Variants in ZPLD1 observed in about 807,000 individuals in gnomAD.
ZPLD1 encodes the protein zona pellucida-like domain-containing protein 1.
ZPLD1 carries 34 observed loss-of-function variants against 47.2 expected under a neutral mutation model. That is an observed-to-expected ratio of 0.72 (90% confidence interval 0.55 to 0.96). The LOEUF (loss-of-function observed/expected upper bound fraction) is 0.96. Ranked by LOEUF, ZPLD1 falls within the 40% of genes least tolerant of loss-of-function variation. The pLI is 0.00. For synonymous variants in ZPLD1, 176 were observed against 186.2 expected (o/e 0.95, Z 0.45); for missense variants, 512 against 505.8 (o/e 1.01, Z -0.12).
rs775507307 is a variant in ZPLD1 at position 102,438,609 on chromosome 3, ATC to A, written c.106+18_106+19del. 1 of 1,571,762 alleles carries A rather than the reference ATC, an allele frequency of 6.4e-7. No homozygotes were observed. The highest frequency in any genetic ancestry group is 1.1e-5 in the South Asian group (1 of 89,632). The stretch of plus-strand genomic sequence containing the variant: ...AGATTTCCTGGTAAGTGTAAGCCTA[ATC>A]TATTCTCTAGTTGTTTCTGGAAGAG... On this transcript the variant is annotated intron_variant, in intron 3 of 11. Coordinates refer to ENST00000466937, the MANE Select transcript of ZPLD1 (RefSeq NM_001329788.2).
chr3:102,413,146 CAA>C (rs1279488101), intron 7 of ZPLD1, among the ~76,000 whole-genome samples: 1 of 151,582 alleles, frequency 6.6e-6, no homozygotes, highest in Non-Finnish European at 1.5e-5. Context: ...TAGAAACAAA[CAA>C]ATAAATATTA....
intron 1 of ZPLD1, among the ~76,000 whole-genome samples, chr3:102,435,454 T>C (rs1417104714): frequency 6.6e-6 from 1 of 152,172 alleles, no homozygotes; most frequent in South Asian, 2.1e-4. Flanking sequence ...CTAGAGTACA[T>C]GGCTAGTCCA....
At chr3:102,434,990 C>T, upstream of ZPLD1, 1 of 1,060,816 alleles carries the variant, frequency 9.4e-7, no homozygotes. Context: ...CCTGAGCAGC[C>T]AGGATGATAT....
At chr3:102,473,196 C>A (rs542597779) in intron 10 of ZPLD1, among the ~76,000 whole-genome samples, 1 of 152,048 alleles carries the variant, frequency 6.6e-6, no homozygotes, top group Non-Finnish European at 1.5e-5. Flanking sequence ...TGGGTGGGGA[C>A]GCAAACCGTA....
intron 8 of ZPLD1, among the ~76,000 whole-genome samples, chr3:102,467,370 G>C (rs575754616): frequency 6.6e-6 from 1 of 152,088 alleles, no homozygotes; most frequent in African/African-American, 2.4e-5. Context: ...AATACAAAAA[G>C]ATAAGCCGGG....
intron 8 of ZPLD1, among the ~76,000 whole-genome samples, chr3:102,420,654 A>T (rs1023365832): frequency 6.6e-6 from 1 of 151,812 alleles, no homozygotes; most frequent in African/African-American, 2.4e-5. Flanking sequence ...TAGCACGTGG[A>T]CCATACAAAA....
At chr3:102,404,267 AAG>A (rs1381791909) in intron 7 of ZPLD1, among the ~76,000 whole-genome samples, 4 of 152,016 alleles carry the variant, frequency 2.6e-5, no homozygotes, top group African/African-American at 9.7e-5. Context: ...AGAATGCAAT[AAG>A]AGGATATACA....
At position 102,476,867 on chromosome 3, in the gene ZPLD1, T is replaced by C. The variant is rs964267523; in HGVS notation, c.1043-145T>C. The C allele has an allele frequency of 6.1e-5, 51 of 841,490 alleles. No individual in the cohort carries two copies. The African/African-American group carries it at 8.1e-4, about 13-fold the overall frequency. 52.1% of individuals were successfully genotyped at this position (841,490 alleles called of 1,614,324 possible). A position where few individuals can be genotyped will look rare whatever the true frequency, so the allele number is the denominator to read the frequency against. On this transcript the variant is annotated intron_variant, in intron 10 of 11. Transcript: ENST00000466937. ...GAATGGTTTAGGGGGACTTTCATTT[T>C]TGCCTTACTCAAGGAGATTATGGGT...
chr3:102,444,025 A>G (rs914820735), intron 3 of ZPLD1, among the ~76,000 whole-genome samples: 2 of 152,248 alleles, frequency 1.3e-5, no homozygotes, highest in South Asian at 2.1e-4. Context: ...TTAATTTACA[A>G]TGATAAAGTG....
At position 102,464,228 on chromosome 3, in the gene ZPLD1, C is replaced by T; in HGVS notation, c.738C>T (p.Asp246=). ...CCCCATCAGGAAACCCAAATGATGA[C>T]ATTCGATATGATCTTTTCCTTAGGT... ...YTTPSGNPND[D]IRYDLFLSCD... Residue 246 remains aspartate (D), a synonymous_variant, in exon 8 of 12, where the codon GAC becomes GAT. Transcript: ENST00000466937. The T allele has an allele frequency of 6.2e-7, 1 of 1,612,494 alleles. No homozygotes were observed. The highest frequency in any genetic ancestry group is 8.5e-7 in the Non-Finnish European group (1 of 1,178,684).
intron 7 of ZPLD1, among the ~76,000 whole-genome samples, chr3:102,415,746 G>A (rs1198589360): frequency 6.6e-6 from 1 of 151,720 alleles, no homozygotes; most frequent in African/African-American, 2.4e-5. Context: ...GTGACAAGGA[G>A]GGCTTTTTAC....
chr3:102,426,797 A>T (rs1330776509), intron 8 of ZPLD1, among the ~76,000 whole-genome samples: 2 of 152,334 alleles, frequency 1.3e-5, no homozygotes, highest in East Asian at 3.9e-4. Context: ...ATGTGATTTC[A>T]TCATGTCCAA....
intron 6 of ZPLD1, among the ~76,000 whole-genome samples, chr3:102,388,108 C>T (rs1559737027): frequency 6.6e-6 from 1 of 152,086 alleles, no homozygotes; most frequent in African/African-American, 2.4e-5. Flanking sequence ...GATCCGCCCG[C>T]CTCGGCCTCC....
chr3:102,474,286 T>C (rs1707726172), intron 10 of ZPLD1, among the ~76,000 whole-genome samples: 1 of 152,124 alleles, frequency 6.6e-6, no homozygotes, highest in Admixed American at 6.5e-5. Context: ...CAGAAAACAA[T>C]ACCTAATTGT....
upstream of ZPLD1, among the ~76,000 whole-genome samples, chr3:102,430,400 AT>A (rs751428094): frequency 6.6e-6 from 1 of 152,094 alleles, no homozygotes; most frequent in South Asian, 2.1e-4. Flanking sequence ...TTTTGCAAAC[AT>A]TTTTTAATGT....
intron 7 of ZPLD1, among the ~76,000 whole-genome samples, chr3:102,399,352 C>T (rs957452076): frequency 6.6e-6 from 1 of 152,120 alleles, no homozygotes; most frequent in African/African-American, 2.4e-5. Flanking sequence ...CAGTCTTCAT[C>T]GCCTCTCATT....
chr3:102,402,686 G>A (rs1706635399), intron 7 of ZPLD1, among the ~76,000 whole-genome samples: 1 of 151,918 alleles, frequency 6.6e-6, no homozygotes, highest in Admixed American at 6.6e-5. Context: ...AATATTTGAT[G>A]ACAATGAGAA....
intron 3 of ZPLD1, among the ~76,000 whole-genome samples, chr3:102,444,053 A>C (rs1165967399): frequency 6.6e-6 from 1 of 152,266 alleles, no homozygotes; most frequent in Non-Finnish European, 1.5e-5. Flanking sequence ...GAAGATAGCA[A>C]TTAGCAAATT....
At position 102,421,274 on chromosome 3, in the gene ZPLD1, CAT is replaced by C. The variant is rs1706875792; in HGVS notation, c.-9+3068_-9+3069del. 2.0e-5 allele frequency among the ~76,000 whole-genome samples: 3 copies of C among 151,942 alleles called. No homozygotes were observed. In the South Asian group the frequency reaches 6.2e-4, roughly 31 times the overall value. ...CAGAATATAAATCTTGTTTATATTA[CAT>C]GAGTTGTACTTTGAAATTAAATCAT... On this transcript the variant is annotated intron_variant, in intron 8 of 17. Coordinates refer to the ZPLD1 transcript ENST00000491959.
Sources: gnomAD v4.1 joint callset for allele counts (sites outside exome capture counted in the v4.1 genomes callset) on GRCh38, gnomAD v4.1.1 for gene constraint, MANE v1.5 for transcripts, NCBI Gene and HGNC (gene_info 2026-07-23, HGNC 2026-07-21) for gene names.